MEIS2: variants seen among roughly 807,000 people sequenced by gnomAD.
The protein encoded by MEIS2 is Meis homeobox 2.
Under a neutral mutation model 58.6 loss-of-function variants are expected in MEIS2, and 9 were observed. The ratio of observed to expected loss-of-function variants is 0.15; its 90% CI spans 0.09 to 0.27. The LOEUF (loss-of-function observed/expected upper bound fraction) is 0.27. MEIS2 is among the 10% of genes least tolerant of loss of function. MEIS2 has a pLI of 1.00. For synonymous variants in MEIS2, 221 were observed against 228.4 expected (o/e 0.97, Z 0.29); for missense variants, 427 against 635.0 (o/e 0.67, Z 3.52).
chr15:36,990,038 G>A (rs921785295), intron 8 of MEIS2, among the ~76,000 whole-genome samples: 2 of 152,032 alleles, frequency 1.3e-5, no homozygotes, highest in African/African-American at 2.4e-5. Flanking sequence ...TCCGCCTCCC[G>A]GGTTCATGCC....
intron 8 of MEIS2, among the ~76,000 whole-genome samples, chr15:36,982,396 C>A (rs1053921483): frequency 1.3e-5 from 2 of 152,108 alleles, no homozygotes; most frequent in African/African-American, 4.8e-5. Flanking sequence ...TGAGACCATG[C>A]AATATTTGTT....
chr15:36,908,663 A>T (rs1017790610), intron 9 of MEIS2, among the ~76,000 whole-genome samples: 3 of 152,232 alleles, frequency 2.0e-5, no homozygotes, highest in African/African-American at 7.2e-5. Flanking sequence ...AACACTATCA[A>T]AAAATAACTT....
At chr15:37,080,700 C>G (rs2141905481) in intron 7 of MEIS2, among the ~76,000 whole-genome samples, 1 of 152,220 alleles carries the variant, frequency 6.6e-6, no homozygotes, top group African/African-American at 2.4e-5. Flanking sequence ...CTTGAAAAAC[C>G]AGATTTTCTT....
chr15:36,993,195 T>C (rs1413402429), intron 8 of MEIS2, among the ~76,000 whole-genome samples: 7 of 152,172 alleles, frequency 4.6e-5, no homozygotes, highest in Non-Finnish European at 7.4e-5. Context: ...TTTCCTTTCA[T>C]ATGATTGGAA....
chr15:37,014,786 C>T (rs1412530817), intron 8 of MEIS2, among the ~76,000 whole-genome samples: 3 of 151,874 alleles, frequency 2.0e-5, no homozygotes, highest in Non-Finnish European at 4.4e-5. Flanking sequence ...AGGAAAGGGC[C>T]TTAGGGGGCA....
At chr15:37,061,279 C>T (rs1889179458) in intron 7 of MEIS2, among the ~76,000 whole-genome samples, 1 of 152,114 alleles carries the variant, frequency 6.6e-6, no homozygotes, top group Non-Finnish European at 1.5e-5. Flanking sequence ...ATTGGGATGC[C>T]TTCTTGAAAG....
At chr15:37,042,065 G>C (rs981286188) in intron 7 of MEIS2, among the ~76,000 whole-genome samples, 1 of 151,952 alleles carries the variant, frequency 6.6e-6, no homozygotes, top group Non-Finnish European at 1.5e-5. Flanking sequence ...GTGGGAGGAT[G>C]GCTTGATCCC....
intron 8 of MEIS2, among the ~76,000 whole-genome samples, chr15:36,975,548 CAA>C (rs2059716309): frequency 2.9e-5 from 1 of 34,672 alleles, no homozygotes; most frequent in Non-Finnish European, 5.9e-5. Flanking sequence ...ACACCTGCAT[CAA>C]TTTTTCCCTT....
intron 9 of MEIS2, among the ~76,000 whole-genome samples, chr15:36,927,668 G>A (rs1356608976): frequency 2.6e-5 from 4 of 151,932 alleles, no homozygotes; most frequent in East Asian, 1.9e-4. Flanking sequence ...ATGAGAAAAC[G>A]TGTTTCTATT....
chr15:37,052,249 C>T (rs1328588115), intron 7 of MEIS2, among the ~76,000 whole-genome samples: 1 of 152,138 alleles, frequency 6.6e-6, no homozygotes, highest in Non-Finnish European at 1.5e-5. Flanking sequence ...CTGAATCCAC[C>T]ATATAAGGAT....
chr15:36,911,009 C>T (rs1452256658), intron 9 of MEIS2, among the ~76,000 whole-genome samples: 2 of 144,254 alleles, frequency 1.4e-5, no homozygotes, highest in Non-Finnish European at 3.0e-5. Flanking sequence ...CGCGCCACTG[C>T]ACTCCAGCCT....
chr15:36,927,971 C>T (rs992417522), intron 9 of MEIS2, among the ~76,000 whole-genome samples: 4 of 152,088 alleles, frequency 2.6e-5, no homozygotes, highest in Non-Finnish European at 4.4e-5. Context: ...AAAATATTTA[C>T]AGCCGGCCAA....
chr15:37,084,321 C>T (rs1403734813), intron 6 of MEIS2, among the ~76,000 whole-genome samples: 1 of 151,720 alleles, frequency 6.6e-6, no homozygotes, highest in Non-Finnish European at 1.5e-5. Context: ...ACATTCACAT[C>T]TGCAAAATTC....
intron 7 of MEIS2, among the ~76,000 whole-genome samples, chr15:37,038,342 T>G (rs887788384): frequency 1.2e-4 from 19 of 152,198 alleles, no homozygotes; most frequent in African/African-American, 4.3e-4. Context: ...CTGGGCCACT[T>G]GCCTTCTAAC....
chr15:36,916,527 G>A (rs1698255295), intron 9 of MEIS2, among the ~76,000 whole-genome samples: 1 of 151,490 alleles, frequency 6.6e-6, no homozygotes, highest in South Asian at 2.1e-4. Flanking sequence ...AAACTTCTGG[G>A]CTCAAGCAAT....
chr15:37,093,584 G>C lies in MEIS2; in HGVS notation c.636C>G (p.Asp212Glu), dbSNP rs548323279. ...ELSGSSTNLA[D>E]HNPSSWRDHD... ...TGCTAAAGGCTAGCAGACTTACATG[G>C]TCAGCGAGATTTGTGGAGGAGCCTG... The change falls in exon 6 of 12, where the codon GAC becomes GAG. Residue 212 changes from aspartate to glutamate, a missense_variant. Transcript: ENST00000561208. 1 of 1,614,106 alleles carries C rather than the reference G, an allele frequency of 6.2e-7. No individual in the cohort carries two copies. Among genetic ancestry groups the C allele is most frequent in the Non-Finnish European group, 8.5e-7 (1 of 1,179,952 alleles).
intron 6 of MEIS2, 48 bp downstream of exon 6, chr15:37,093,533 T>C (rs774870158): frequency 6.2e-7 from 1 of 1,600,096 alleles, no homozygotes; most frequent in South Asian, 1.1e-5. Flanking sequence ...GTTAAAATAA[T>C]GCTTTGCCCA....
chr15:37,020,830 T>G (rs1181587546), intron 8 of MEIS2, among the ~76,000 whole-genome samples: 2 of 152,148 alleles, frequency 1.3e-5, no homozygotes, highest in Non-Finnish European at 1.5e-5. Flanking sequence ...AAACTTATGT[T>G]TGTCCTAAAA....
chr15:37,060,164 C>T (rs960619806), intron 7 of MEIS2, among the ~76,000 whole-genome samples: 1 of 152,106 alleles, frequency 6.6e-6, no homozygotes, highest in Non-Finnish European at 1.5e-5. Context: ...TAGTCTTGAA[C>T]TCCTGGCCTC....
Sources: gnomAD v4.1 joint callset for allele counts (sites outside exome capture counted in the v4.1 genomes callset) on GRCh38, gnomAD v4.1.1 for gene constraint, MANE v1.5 for transcripts, NCBI Gene and HGNC (gene_info 2026-07-23, HGNC 2026-07-21) for gene names.